C16orf74: variants seen among roughly 807,000 people sequenced by gnomAD.
C16orf74 encodes uncharacterized protein C16orf74.
In C16orf74, 10 loss-of-function variants were observed where a neutral mutation model predicts 6.5. That is an observed-to-expected ratio of 1.54 (90% CI 0.95 to 2.61). The LOEUF (loss-of-function observed/expected upper bound fraction) is 2.61. Among genes scored for constraint, C16orf74 ranks in the 30% most tolerant of loss-of-function variants. The pLI is 0.00. For missense variants in C16orf74, 141 were observed against 105.9 expected (o/e 1.33, Z -1.45); for synonymous variants, 60 against 42.5 (o/e 1.41, Z -1.60).
intron 2 of C16orf74, among the ~76,000 whole-genome samples, chr16:85,730,951 T>A (rs1344902676): frequency 6.6e-6 from 1 of 151,758 alleles, no homozygotes; most frequent in East Asian, 1.9e-4. Context: ...ATTAAAATGA[T>A]GTTTGGAATA....
chr16:85,745,210 A>C (rs1459059720), intron 1 of C16orf74, among the ~76,000 whole-genome samples: 2 of 151,080 alleles, frequency 1.3e-5, no homozygotes, highest in Admixed American at 1.3e-4. Flanking sequence ...TCTGGTGACA[A>C]GGATGGGCAA....
chr16:85,733,960 C>T (rs191823548), intron 2 of C16orf74, among the ~76,000 whole-genome samples: 90 of 152,344 alleles, frequency 5.9e-4, no homozygotes, highest in Middle Eastern at 6.8e-3. Flanking sequence ...CTGGGCCAAT[C>T]GGATGCTCTC....
intron 1 of C16orf74, among the ~76,000 whole-genome samples, chr16:85,738,859 T>G (rs74034067): frequency 0.034 from 5,148 of 152,194 alleles, 280 homozygotes; most frequent in African/African-American, 0.12. Flanking sequence ...TATAACCCCA[T>G]GAAGTTGGGA....
intron 2 of C16orf74, among the ~76,000 whole-genome samples, chr16:85,729,296 G>A (rs1280755284): frequency 7.2e-5 from 11 of 152,216 alleles, no homozygotes; most frequent in Admixed American, 6.5e-5. Flanking sequence ...TATAGGGTGA[G>A]GCACGAGGGA....
intron 2 of C16orf74, among the ~76,000 whole-genome samples, chr16:85,715,186 C>A (rs2054011264): frequency 1.3e-5 from 2 of 151,612 alleles, no homozygotes; most frequent in African/African-American, 4.8e-5. Context: ...GAGAACATTT[C>A]TCCTGCAATC....
In C16orf74 at chr16:85,707,932, C is replaced by G. The variant is rs763126441; in HGVS notation, c.*76G>C. Reference sequence around the variant, plus strand: ...TCCAGGGTATTCAGCACACCTGCTCCAGGCAGCCACGCCCCCGGACACCTG... The same window carrying G: ...TCCAGGGTATTCAGCACACCTGCTCGAGGCAGCCACGCCCCCGGACACCTG... On this transcript the variant is annotated 3_prime_UTR_variant, in exon 4 of 4. Coordinates refer to ENST00000284245, the MANE Select transcript of C16orf74 (RefSeq NM_206967.3). 3.1e-5 allele frequency: 41 copies of G among 1,324,056 alleles called. No individual in the cohort carries two copies. The highest frequency in any genetic ancestry group is 4.2e-5 in the Non-Finnish European group (40 of 947,658). The allele number at this position is 1,324,056 out of a possible 1,614,324, so 82.0% of individuals were successfully genotyped here. A position where few individuals can be genotyped will look rare whatever the true frequency, so the allele number is the denominator to read the frequency against.
At chr16:85,743,073 G>A (rs1430856854) in intron 1 of C16orf74, among the ~76,000 whole-genome samples, 1 of 152,158 alleles carries the variant, frequency 6.6e-6, no homozygotes, top group Middle Eastern at 3.2e-3. Flanking sequence ...TGTTGTGTTG[G>A]GGGTGAATTT....
At chr16:85,719,332 G>C (rs770323177) in intron 2 of C16orf74, among the ~76,000 whole-genome samples, 6 of 152,282 alleles carry the variant, frequency 3.9e-5, no homozygotes, top group Admixed American at 3.9e-4. Context: ...CAGGAATCAG[G>C]TCCCCAAGAT....
chr16:85,712,939 C>CCTG (rs1304996421), intron 2 of C16orf74, among the ~76,000 whole-genome samples: 1 of 152,192 alleles, frequency 6.6e-6, no homozygotes. Context: ...GAGACAGCAG[C>CCTG]CTGCAGCCTG....
In C16orf74 at chr16:85,725,634, T is replaced by G. The variant is rs554075690; in HGVS notation, c.28+9556A>C. Among the ~76,000 whole-genome samples, 28 of 152,242 alleles carry G rather than the reference T, an allele frequency of 1.8e-4. No homozygotes were observed. In the South Asian group the frequency reaches 5.6e-3, roughly 30 times the overall value. On this transcript the variant is annotated intron_variant, in intron 2 of 3. Transcript: ENST00000284245. ...GTCTTGCTCTGTTGCCAGGCTGGAGTGCAGTGGTTTTGGCAATTTGGCAAA... is the reference window on the plus strand; with the variant it reads ...GTCTTGCTCTGTTGCCAGGCTGGAGGGCAGTGGTTTTGGCAATTTGGCAAA...
intron 2 of C16orf74, among the ~76,000 whole-genome samples, chr16:85,726,761 T>G (rs1377039740): frequency 6.6e-6 from 1 of 152,168 alleles, no homozygotes; most frequent in Non-Finnish European, 1.5e-5. Flanking sequence ...TCCCCAGGGA[T>G]GGAAACTCCA....
intron 2 of C16orf74, 69 bp downstream of exon 2, chr16:85,735,121 C>A: frequency 6.9e-7 from 1 of 1,452,170 alleles, no homozygotes; most frequent in Non-Finnish European, 9.5e-7. Flanking sequence ...CAACTCCCCT[C>A]TCTCCTGCCC....
chr16:85,719,727 C>A (rs113301821), intron 2 of C16orf74, among the ~76,000 whole-genome samples: 1 of 152,022 alleles, frequency 6.6e-6, no homozygotes, highest in Non-Finnish European at 1.5e-5. Flanking sequence ...AATCAGAAAG[C>A]GGCAGGAGAG....
intron 2 of C16orf74, among the ~76,000 whole-genome samples, chr16:85,719,072 T>C (rs902430942): frequency 2.6e-5 from 4 of 152,250 alleles, no homozygotes; most frequent in African/African-American, 4.8e-5. Context: ...TGCTTCCTGC[T>C]GTGACACTGC....
chr16:85,717,276 C>T (rs751571601), intron 2 of C16orf74, among the ~76,000 whole-genome samples: 1 of 152,208 alleles, frequency 6.6e-6, no homozygotes, highest in Non-Finnish European at 1.5e-5. Context: ...CGGTTCCCAT[C>T]GCGGCTGCCC....
chr16:85,712,533 C>T (rs936914143), intron 2 of C16orf74, among the ~76,000 whole-genome samples: 1 of 152,174 alleles, frequency 6.6e-6, no homozygotes, highest in Non-Finnish European at 1.5e-5. Context: ...CAGGTTACAC[C>T]TGGGCTGTCA....
chr16:85,742,123 A>G (rs1194636438), intron 1 of C16orf74, among the ~76,000 whole-genome samples: 1 of 152,130 alleles, frequency 6.6e-6, no homozygotes, highest in Non-Finnish European at 1.5e-5. Flanking sequence ...CTGTAATCCT[A>G]GCACTGTGGG....
intron 1 of C16orf74, among the ~76,000 whole-genome samples, chr16:85,743,861 G>A (rs895021043): frequency 1.3e-5 from 2 of 152,068 alleles, no homozygotes; most frequent in African/African-American, 2.4e-5. Context: ...AGACAATCCT[G>A]GCTAACACAG....
At chr16:85,730,598 G>A (rs188245841) in intron 2 of C16orf74, among the ~76,000 whole-genome samples, 5 of 110,656 alleles carry the variant, frequency 4.5e-5, no homozygotes, top group Non-Finnish European at 8.4e-5. Flanking sequence ...TAAACCCCCA[G>A]ACCAGCCAAC....
Sources: gnomAD v4.1 joint callset for allele counts (sites outside exome capture counted in the v4.1 genomes callset) on GRCh38, gnomAD v4.1.1 for gene constraint, MANE v1.5 for transcripts, NCBI Gene and HGNC (gene_info 2026-07-23, HGNC 2026-07-21) for gene names.